Variants in RSF1 observed in about 807,000 individuals in gnomAD.
RSF1 encodes HBV pX-associated protein 8.
A neutral mutation model predicts 145.2 loss-of-function variants in RSF1; 13 were observed. That is an observed-to-expected ratio of 0.09 (90% confidence interval 0.06 to 0.14). The LOEUF (loss-of-function observed/expected upper bound fraction) is 0.14, where lower values mean the gene tolerates loss of function less well. RSF1 is among the 10% of genes least tolerant of loss of function. The pLI, the probability that RSF1 is intolerant of heterozygous loss-of-function variation, is 1.00. For missense variants in RSF1, 1,517 were observed against 1,718.2 expected (o/e 0.88, Z 2.07); for synonymous variants, 577 against 592.6 (o/e 0.97, Z 0.38).
intron 2 of RSF1, among the ~76,000 whole-genome samples, chr11:77,747,804 G>A (rs1948017586): frequency 6.6e-6 from 1 of 152,168 alleles, no homozygotes; most frequent in South Asian, 2.1e-4. Context: ...GCCAGTAAGG[G>A]AGGTTAACAC....
chr11:77,761,508 T>C (rs1389643098), intron 2 of RSF1, among the ~76,000 whole-genome samples: 1 of 152,024 alleles, frequency 6.6e-6, no homozygotes, highest in Non-Finnish European at 1.5e-5. Context: ...GGTCTTCACA[T>C]GGCTGTCTTC....
rs370911291 is a variant in RSF1 at position 77,777,487 on chromosome 11, G to T, written c.188-12798C>A. Among the ~76,000 whole-genome samples, 3 of 152,122 alleles carry T rather than the reference G, an allele frequency of 2.0e-5. No individual in the cohort carries two copies. In the East Asian group the frequency reaches 5.8e-4, roughly 29 times the overall value. On this transcript the variant is annotated intron_variant, in intron 1 of 15. Transcript: ENST00000308488. ...GGGCGCCTGTAGTCTCAGCTACTTG[G>T]GAGGCTGAGGAAGGAGAATCGCTTG... is the stretch of plus-strand genomic sequence containing the variant.
intron 7 of RSF1, among the ~76,000 whole-genome samples, chr11:77,694,690 C>T (rs1307136317): frequency 6.6e-6 from 1 of 152,148 alleles, no homozygotes; most frequent in Non-Finnish European, 1.5e-5. Context: ...ATACTATGAA[C>T]TAAACAACAG....
chr11:77,770,466 C>CAA (rs1411420210), intron 1 of RSF1, among the ~76,000 whole-genome samples: 1 of 152,056 alleles, frequency 6.6e-6, no homozygotes, highest in African/African-American at 2.4e-5. Context: ...AAAAACAAAA[C>CAA]AAAACAAAAC....
chr11:77,750,453 T>C (rs1948050161), intron 2 of RSF1, among the ~76,000 whole-genome samples: 2 of 152,374 alleles, frequency 1.3e-5, no homozygotes, highest in South Asian at 4.1e-4. Flanking sequence ...AATTTTTACA[T>C]GTCACCAAAT....
chr11:77,852,090 G>A, the RSF1 span, among the ~76,000 whole-genome samples: 1 of 151,718 alleles, frequency 6.6e-6, no homozygotes, highest in Non-Finnish European at 1.5e-5. Flanking sequence ...GTTGTGGGCA[G>A]CCATAGTGGC....
rs374470953 is a variant in RSF1 at position 77,662,887 on chromosome 11, T to C, written c.*4030A>G. 8 of 152,308 alleles carry C rather than the reference T, an allele frequency of 5.3e-5. No individual in the cohort carries two copies. The East Asian group carries it at 1.2e-3, about 22-fold the overall frequency. The allele number at this position is 152,308 out of a possible 1,614,324, so 9.4% of individuals were successfully genotyped here. On this transcript the variant is annotated 3_prime_UTR_variant, in exon 16 of 16. Transcript: ENST00000308488. ...AATGTCAAACATCAGGAGAAACTGT[T>C]GTCTAGATTTTCTGTAATTAAATGA...
chr11:77,740,020 T>C (rs914249575), intron 4 of RSF1, among the ~76,000 whole-genome samples: 1 of 152,244 alleles, frequency 6.6e-6, no homozygotes. Flanking sequence ...ATAGAATATA[T>C]ACTGTGTCAA....
At chr11:77,703,542 T>C (rs1222686307) in intron 5 of RSF1, 1 of 152,214 alleles carries the variant, frequency 6.6e-6, no homozygotes, top group Non-Finnish European at 1.5e-5. Flanking sequence ...AGTTAGGATA[T>C]ACTTCATGGG....
At chr11:77,845,622 G>T in the RSF1 span, among the ~76,000 whole-genome samples, 1 of 152,042 alleles carries the variant, frequency 6.6e-6, no homozygotes, top group Non-Finnish European at 1.5e-5. Context: ...TAGAGACAGG[G>T]TTTTACCATG....
the RSF1 span, among the ~76,000 whole-genome samples, chr11:77,865,173 T>G: frequency 6.6e-6 from 1 of 152,210 alleles, no homozygotes; most frequent in African/African-American, 2.4e-5. Flanking sequence ...TTTGCCTAAC[T>G]AGTCATGGTT....
At position 77,733,706 on chromosome 11, in the gene RSF1, C is replaced by T. The variant is rs542451517; in HGVS notation, c.578+7025G>A. On this transcript the variant is annotated intron_variant, in intron 4 of 15. Coordinates refer to ENST00000308488, the MANE Select transcript of RSF1 (RefSeq NM_016578.4). The stretch of plus-strand genomic sequence containing the variant: ...CCTCTCAAGTCACTGAGACTACAGG[C>T]AAGTGCCACCACACCTTGCTGATTT... 5.9e-4 allele frequency among the ~76,000 whole-genome samples: 90 copies of T among 152,186 alleles called. 1 individual carries two copies. Among genetic ancestry groups the T allele is most frequent in the South Asian group, 4.6e-3 (22 of 4,826 alleles).
chr11:77,806,212 G>A (rs1948675594), intron 1 of RSF1, among the ~76,000 whole-genome samples: 1 of 151,986 alleles, frequency 6.6e-6, no homozygotes, highest in African/African-American at 2.4e-5. Flanking sequence ...AGAGAAACTG[G>A]GGTGGGGCTC....
rs1959662086 is a variant in RSF1, at chr11:77,675,017, G to A, written c.3562+19C>T. On this transcript the variant is annotated intron_variant, in intron 14 of 15. Coordinates refer to ENST00000308488, the MANE Select transcript of RSF1 (RefSeq NM_016578.4). The stretch of plus-strand genomic sequence containing the variant: ...AAAATAATTTATTGAGCTACCATAT[G>A]GTTACAGATTATTTTTACCAGAGTC... 1 of 1,554,642 alleles carries A rather than the reference G, an allele frequency of 6.4e-7. No homozygotes were observed. Among genetic ancestry groups the A allele is most frequent in the East Asian group, 2.2e-5 (1 of 44,456 alleles).
At chr11:77,842,390 T>G in the RSF1 span, 8 of 1,230,458 alleles carry the variant, frequency 6.5e-6, no homozygotes, top group Non-Finnish European at 9.0e-6. Flanking sequence ...TCTTAAATCA[T>G]GGAGAATCAG....
At chr11:77,866,940 A>G in the RSF1 span, among the ~76,000 whole-genome samples, 1 of 151,940 alleles carries the variant, frequency 6.6e-6, no homozygotes, top group Non-Finnish European at 1.5e-5. Context: ...TCCTGGGTTC[A>G]AGTGATTCTC....
At position 77,691,156 on chromosome 11, in the gene RSF1, T is replaced by C; in HGVS notation, c.2900+3A>G. The stretch of plus-strand genomic sequence containing the variant: ...CAAAACATTAACACACATATAAAAA[T>C]ACCTTCGTTCGGCACGCTCTTTCTT... On this transcript the variant is annotated splice_donor_region_variant and intron_variant, in intron 9 of 15. Coordinates refer to ENST00000308488, the MANE Select transcript of RSF1 (RefSeq NM_016578.4). 6.2e-7 allele frequency: 1 copy of C among 1,613,146 alleles called. No individual in the cohort carries two copies. Among genetic ancestry groups the C allele is most frequent in the African/African-American group, 1.3e-5 (1 of 75,032 alleles).
chr11:77,711,063 A>G lies in RSF1; in HGVS notation c.734-8568T>C, dbSNP rs147626207. 5.4e-3 allele frequency among the ~76,000 whole-genome samples: 822 copies of G among 151,730 alleles called. 9 individuals carry two copies. The highest frequency in any genetic ancestry group is 0.018 in the African/African-American group (734 of 41,288). ...ATGCTCACAGGTACTGGGTTTACCA[A>G]TGTCTCTAAGCCTTTTCAGTAAACA... On this transcript the variant is annotated intron_variant, in intron 5 of 15. Transcript: ENST00000308488.
chr11:77,695,229 T>C (rs1159734707), intron 7 of RSF1, among the ~76,000 whole-genome samples: 1 of 152,128 alleles, frequency 6.6e-6, no homozygotes, highest in African/African-American at 2.4e-5. Context: ...TTGGGGGAGA[T>C]GCACTGAAGC....
Sources: gnomAD v4.1 joint callset for allele counts (sites outside exome capture counted in the v4.1 genomes callset) on GRCh38, gnomAD v4.1.1 for gene constraint, MANE v1.5 for transcripts, NCBI Gene and HGNC (gene_info 2026-07-23, HGNC 2026-07-21) for gene names.